Variants in LONP1 observed in about 807,000 individuals in gnomAD.
LONP1 encodes lon protease homolog, mitochondrial.
Under a neutral mutation model 98.5 loss-of-function variants are expected in LONP1, and 31 were observed. That is an observed-to-expected ratio of 0.31 (90% CI 0.24 to 0.42). The LOEUF (loss-of-function observed/expected upper bound fraction) is 0.42, where lower values mean the gene tolerates loss of function less well. Ranked by LOEUF, LONP1 falls within the 20% of genes least tolerant of loss-of-function variation. The probability of loss-of-function intolerance (pLI) is 1.00; values close to 1 mark genes in which losing one functional copy is unlikely to be tolerated. For missense variants in LONP1, 1,336 were observed against 1,350.6 expected, an observed-to-expected ratio of 0.99 and a Z score of 0.17; for synonymous variants, 781 against 594.7, an observed-to-expected ratio of 1.31 and a Z score of -4.56.
Position 5,700,819 on chromosome 19 carries a change from G to T in LONP1, c.1476C>A (p.Tyr492Ter). The change falls in exon 9 of 18, where the codon TAC becomes TAA. Residue 492 changes from tyrosine to a stop codon, truncating the protein, a stop_gained. Transcript: ENST00000360614. LOFTEE classifies it high-confidence loss of function. ...RAQAVLEEDH[Y>*]GMEDVKKRIL... ...TGCGTTTCTTGACGTCCTCCATGCCGTAGTGGTCTTCCTCCAGCACTGCCT... is the reference window on the plus strand; with the variant it reads ...TGCGTTTCTTGACGTCCTCCATGCCTTAGTGGTCTTCCTCCAGCACTGCCT... 1 of 1,614,184 alleles carries T rather than the reference G, an allele frequency of 6.2e-7. No individual in the cohort carries two copies. Among genetic ancestry groups the T allele is most frequent in the Non-Finnish European group, 8.5e-7 (1 of 1,180,020 alleles).
Position 5,692,031 on chromosome 19 carries a change from G to A in LONP1, c.*1C>T, listed in dbSNP as rs1310916602. 7.7e-6 allele frequency: 10 copies of A among 1,302,936 alleles called. No individual in the cohort carries two copies. Among genetic ancestry groups the A allele is most frequent in the East Asian group, 4.8e-5 (2 of 41,448 alleles). The allele number at this position is 1,302,936 out of a possible 1,614,324, so 80.7% of individuals were successfully genotyped here. A position where few individuals can be genotyped will look rare whatever the true frequency, so the allele number is the denominator to read the frequency against. On this transcript the variant is annotated 3_prime_UTR_variant, in exon 18 of 18. Coordinates refer to ENST00000360614, the MANE Select transcript of LONP1 (RefSeq NM_004793.4). ...CGCCGCCTGCAGTCCCGGGGTGGCC[G>A]TCACCGTTCCACGGCCAGCGCCTCT...
intron 7 of LONP1, 98 bp from the exon 8 acceptor site, chr19:5,706,090 C>CA (rs943489078): frequency 1.0e-5 from 8 of 780,884 alleles, no homozygotes; most frequent in East Asian, 9.8e-5. Context: ...CCCCAGGACT[C>CA]AGAGAGAAAA....
At position 5,694,844 on chromosome 19, in the gene LONP1, G is replaced by A; in HGVS notation, c.2071C>T (p.Leu691=). The A allele has an allele frequency of 4.4e-6, 7 of 1,604,562 alleles. No individual in the cohort carries two copies. The highest frequency in any genetic ancestry group is 5.1e-6 in the Non-Finnish European group (6 of 1,173,156). The change falls in exon 14 of 18, where the codon CTG becomes TTG. Residue 691 remains leucine (L), a synonymous_variant. Coordinates refer to ENST00000360614, the MANE Select transcript of LONP1 (RefSeq NM_004793.4). ...AGCAGCGTCAGCACGTCCGATGACA[G>A]CTTGGCCTTGCTCTCATCCAAGCCA... The part of the protein sequence containing the change: ...LCGLDESKAK[L]SSDVLTLLIK...
intron 8 of LONP1, among the ~76,000 whole-genome samples, chr19:5,704,941 C>A (rs2055119563): frequency 6.6e-6 from 1 of 151,438 alleles, no homozygotes; most frequent in Non-Finnish European, 1.5e-5. Context: ...TGGGCGGATC[C>A]CTTGAGGTCA....
At chr19:5,704,969 T>TGG (rs990207568) in intron 8 of LONP1, among the ~76,000 whole-genome samples, 1 of 152,098 alleles carries the variant, frequency 6.6e-6, no homozygotes, top group Non-Finnish European at 1.5e-5. Context: ...GAGACCAACC[T>TGG]GGCCAACATG....
At chr19:5,698,914 G>A (rs544817939) in intron 10 of LONP1, 113 bp downstream of exon 10, 13 of 1,110,564 alleles carry the variant, frequency 1.2e-5, no homozygotes, top group Middle Eastern at 2.6e-4. Context: ...GAGTGGAATC[G>A]GTTGCCCACA....
rs560638601 is a variant in LONP1 at position 5,707,698 on chromosome 19, T to C, written c.1061A>G (p.Asn354Ser). The change falls in exon 6 of 18, where the codon AAT becomes AGT. Residue 354 changes from asparagine to serine, a missense_variant and splice_region_variant. Asn to Ser is a conservative substitution (Grantham distance 46). This residue lies in a region of LONP1 where 97 missense variants were observed against 139.0 expected (regional missense o/e 0.70). Transcript: ENST00000360614. ...GCTGTGGAGGTGACGAGCACTCACA[T>C]TGGTCTCTTCCAGGACGTCCTGCAG... ...HELQDVLEET[N>S]IPKRLYKALS... 205 of 1,609,282 alleles carry C rather than the reference T, an allele frequency of 1.3e-4. No homozygotes were observed. The highest frequency in any genetic ancestry group is 1.2e-3 in the South Asian group (113 of 90,862).
chr19:5,717,891 C>CTTTTTT (rs532198283), intron 1 of LONP1, among the ~76,000 whole-genome samples: 12 of 133,266 alleles, frequency 9.0e-5, no homozygotes, highest in South Asian at 2.4e-4. Context: ...TTCTTTCTTT[C>CTTTTTT]TTTTTTTTTT....
chr19:5,697,690 G>T (rs1310047976), intron 10 of LONP1, among the ~76,000 whole-genome samples: 1 of 151,800 alleles, frequency 6.6e-6, no homozygotes, highest in Non-Finnish European at 1.5e-5. Flanking sequence ...GGAGAGCTGG[G>T]GGCAAAGGAG....
Position 5,711,889 on chromosome 19 carries a change from C to T in LONP1, c.752G>A (p.Ser251Asn), listed in dbSNP as rs770489550. Residue 251 changes from serine (S) to asparagine (N), a missense_variant, in exon 4 of 18, where the codon AGC becomes AAC. Physicochemically the swap from Ser to Asn is conservative, Grantham distance 46. Around this residue, in one of 5 missense-constraint regions of LONP1, gnomAD observed 457 missense variants for 403.1 expected, o/e 1.13. Transcript: ENST00000360614. ...CGCCAGCTCCGCCGGGTGCCTGGCG[C>T]TCAGCTCGTCCTCCGCCTCCTTCTT... ...RGKKEAEDEL[S>N]ARHPAELAME... 6.2e-7 allele frequency: 1 copy of T among 1,613,012 alleles called. No homozygotes were observed. The highest frequency in any genetic ancestry group is 2.2e-5 in the East Asian group (1 of 44,872).
At chr19:5,713,387 T>G in intron 2 of LONP1, 134 bp from the exon 3 acceptor site, 2 of 1,123,774 alleles carry the variant, frequency 1.8e-6, no homozygotes, top group East Asian at 2.5e-5. Flanking sequence ...GCGGCCTCCT[T>G]GGCTCCCGCA....
chr19:5,693,214 C>T, intron 17 of LONP1, 84 bp downstream of exon 17: 1 of 1,502,914 alleles, frequency 6.7e-7, no homozygotes, highest in South Asian at 1.3e-5. Flanking sequence ...TTGGCCCAGG[C>T]AGAGGTTGCA....
chr19:5,708,241 T>C (rs1648679949), intron 5 of LONP1, 101 bp downstream of exon 5: 1 of 1,224,664 alleles, frequency 8.2e-7, no homozygotes, highest in Non-Finnish European at 1.2e-6. Context: ...GCAGGCAAGG[T>C]TTCCTCCCAG....
chr19:5,699,099 C>T lies in LONP1; in HGVS notation c.1613G>A (p.Arg538His), dbSNP rs115968490. 5.1e-4 allele frequency: 815 copies of T among 1,604,552 alleles called. 2 individuals are homozygous for T. The African/African-American group carries it at 9.4e-3, about 18-fold the overall frequency. Residue 538 changes from arginine (R) to histidine (H), a missense_variant, in exon 10 of 18, where the codon CGC (arginine) becomes CAC (histidine). By Grantham distance (29) the Arg-to-His change is conservative. Around this residue, in one of 5 missense-constraint regions of LONP1, gnomAD observed 219 missense variants for 241.0 expected, o/e 0.91. Coordinates refer to ENST00000360614, the MANE Select transcript of LONP1 (RefSeq NM_004793.4). ...GKTSIARSIA[R>H]ALNREYFRFS... ...GCGGAAGTACTCTCGGTTCAGGGCG[C>T]GGGCGATGGAGCGAGCAATGCTGGT...
At position 5,707,736 on chromosome 19, in the gene LONP1, G is replaced by A. The variant is rs146893125; in HGVS notation, c.1023C>T (p.Ala341=). 21 of 1,613,190 alleles carry A rather than the reference G, an allele frequency of 1.3e-5. No homozygotes were observed. In the Middle Eastern group the frequency reaches 5.0e-4, roughly 38 times the overall value. Residue 341 remains alanine (A), a synonymous_variant, in exon 6 of 18, where the codon GCC becomes GCT. Coordinates refer to ENST00000360614, the MANE Select transcript of LONP1 (RefSeq NM_004793.4). ...GGACGTCCTGCAGCTCATGGGACTCGGCCCCGGTGAGCGCGGCGCCCATGT... is the reference window on the plus strand; with the variant it reads ...GGACGTCCTGCAGCTCATGGGACTCAGCCCCGGTGAGCGCGGCGCCCATGT... ...LSDMGAALTG[A]ESHELQDVLE...
intron 8 of LONP1, among the ~76,000 whole-genome samples, chr19:5,702,698 C>T (rs2055076329): frequency 6.6e-6 from 1 of 152,072 alleles, no homozygotes; most frequent in Non-Finnish European, 1.5e-5. Context: ...CCTTGGGATC[C>T]TGTTGATCGG....
rs113251378 is a variant in LONP1 at position 5,693,358 on chromosome 19, G to A, written c.2643C>T (p.Gly881=). The part of the protein sequence containing the change: ...RPVRQNLAMT[G]EVSLTGKILP... ...GGATCTTGCCCGTGAGGGAGACTTC[G>A]CCAGTCATGGCCAGATTCTGCCGGA... is the stretch of plus-strand genomic sequence containing the variant. The change falls in exon 17 of 18, where the codon GGC becomes GGT. Residue 881 remains glycine, a synonymous_variant. Transcript: ENST00000360614. The A allele has an allele frequency of 3.1e-6, 5 of 1,613,308 alleles. No individual in the cohort carries two copies. Among genetic ancestry groups the A allele is most frequent in the Admixed American group, 1.7e-5 (1 of 60,020 alleles).
chr19:5,719,778 C>A lies in LONP1; in HGVS notation c.355G>T (p.Asp119Tyr), dbSNP rs1169174199. 1 of 1,613,260 alleles carries A rather than the reference C, an allele frequency of 6.2e-7. No individual in the cohort carries two copies. The highest frequency in any genetic ancestry group is 1.3e-5 in the African/African-American group (1 of 74,946). ...ITALTPMTIP[D>Y]VFPHLPLIAI... ...ATGAGCGGCAGGTGCGGAAACACATCGGGGATCGTCATGGGCGTGAGCGCC... is the reference window on the plus strand; with the variant it reads ...ATGAGCGGCAGGTGCGGAAACACATAGGGGATCGTCATGGGCGTGAGCGCC... Residue 119 changes from aspartate to tyrosine, a missense_variant, in exon 1 of 18, where the codon GAT (aspartate) becomes TAT (tyrosine). Physicochemically the swap from Asp to Tyr is radical, Grantham distance 160. Coordinates refer to ENST00000360614, the MANE Select transcript of LONP1 (RefSeq NM_004793.4).
chr19:5,719,206 A>G (rs2055381101), intron 1 of LONP1, among the ~76,000 whole-genome samples: 1 of 152,112 alleles, frequency 6.6e-6, no homozygotes, highest in African/African-American at 2.4e-5. Flanking sequence ...AAAGGCAGAA[A>G]TTTTTGTCTG....
Sources: gnomAD v4.1 joint callset for allele counts (sites outside exome capture counted in the v4.1 genomes callset) on GRCh38, gnomAD v4.1.1 for gene constraint, gnomAD v4.1.1 regional missense constraint, MANE v1.5 for transcripts, NCBI Gene and HGNC (gene_info 2026-07-23, HGNC 2026-07-21) for gene names.